The following PTPRD variants were observed in gnomAD, a reference collection of about 807,000 sequenced individuals.
PTPRD encodes protein tyrosine phosphatase receptor type D, also known as receptor-type tyrosine-protein phosphatase delta.
Under a neutral mutation model 214.5 loss-of-function variants are expected in PTPRD, and 34 were observed. The ratio of observed to expected loss-of-function variants is 0.16; its 90% CI spans 0.12 to 0.21. The LOEUF (loss-of-function observed/expected upper bound fraction) is 0.21, where lower values mean the gene tolerates loss of function less well. Ranked by LOEUF, PTPRD falls within the 10% of genes least tolerant of loss-of-function variation. PTPRD has a pLI of 1.00. For synonymous variants in PTPRD, 1,128 were observed against 845.7 expected, an observed-to-expected ratio of 1.33 and a Z score of -5.79; for missense variants, 2,545 against 2,398.7, an observed-to-expected ratio of 1.06 and a Z score of -1.27.
At chr9:9,647,676 T>C (rs570337775) in intron 7 of PTPRD, among the ~76,000 whole-genome samples, 3 of 152,302 alleles carry the variant, frequency 2.0e-5, no homozygotes, top group South Asian at 2.1e-4. Flanking sequence ...ATGCAAGACA[T>C]TGCAAACTCT....
intron 39 of PTPRD, 93 bp downstream of exon 39, chr9:8,375,843 A>AG (rs1306907986): frequency 1.3e-5 from 18 of 1,400,022 alleles, no homozygotes; most frequent in Non-Finnish European, 1.7e-5. Flanking sequence ...GAAGACATTT[A>AG]CTATTCCAGA....
chr9:8,636,834 C>A lies in PTPRD; in HGVS notation c.75G>T (p.Arg25Ser), dbSNP rs1199542975. 1 of 1,612,622 alleles carries A rather than the reference C, an allele frequency of 6.2e-7. No homozygotes were observed. The highest frequency in any genetic ancestry group is 1.7e-5 in the Admixed American group (1 of 59,920). Residue 25 changes from arginine (R) to serine (S), a missense_variant, in exon 13 of 46, where the codon AGG (arginine) becomes AGT (serine). Coordinates refer to ENST00000381196, the MANE Select transcript of PTPRD (RefSeq NM_002839.4). ...FLRTDAETPP[R>S]FTRTPVDQTG... The stretch of plus-strand genomic sequence containing the variant: ...TCTGATCAACGGGTGTTCGTGTAAA[C>A]CTTGGAGGTGCTGAAATAAAAAATA...
At chr9:9,086,308 G>C (rs533266830) in intron 10 of PTPRD, among the ~76,000 whole-genome samples, 4 of 152,120 alleles carry the variant, frequency 2.6e-5, no homozygotes, top group Non-Finnish European at 5.9e-5. Flanking sequence ...TTGATATGGA[G>C]ATGTTTGGTT....
chr9:10,243,464 G>A (rs1427633772), intron 3 of PTPRD, among the ~76,000 whole-genome samples: 1 of 151,844 alleles, frequency 6.6e-6, no homozygotes, highest in Non-Finnish European at 1.5e-5. Flanking sequence ...TAACACTACA[G>A]ATTTATATTT....
intron 11 of PTPRD, among the ~76,000 whole-genome samples, chr9:8,905,396 C>G (rs1357387972): frequency 1.3e-5 from 2 of 151,754 alleles, no homozygotes; most frequent in Non-Finnish European, 2.9e-5. Context: ...CACTGCACTT[C>G]CTTTGAATGT....
At chr9:9,354,727 T>C (rs1337499957) in intron 9 of PTPRD, among the ~76,000 whole-genome samples, 3 of 151,792 alleles carry the variant, frequency 2.0e-5, no homozygotes, top group African/African-American at 7.2e-5. Flanking sequence ...ATTTGAAGTA[T>C]CAGCAAGGGA....
intron 5 of PTPRD, among the ~76,000 whole-genome samples, chr9:9,906,244 G>T (rs1601670620): frequency 6.6e-6 from 1 of 151,816 alleles, no homozygotes; most frequent in East Asian, 1.9e-4. Flanking sequence ...AAATATTAAG[G>T]AAAGAAAAAA....
chr9:9,307,176 C>T (rs773710431), intron 9 of PTPRD, among the ~76,000 whole-genome samples: 30 of 152,130 alleles, frequency 2.0e-4, no homozygotes, highest in Non-Finnish European at 4.0e-4. Context: ...TGATTGCAAA[C>T]ACATGGCAGT....
At chr9:8,621,182 C>A (rs964394326) in intron 14 of PTPRD, among the ~76,000 whole-genome samples, 5 of 151,836 alleles carry the variant, frequency 3.3e-5, no homozygotes, top group Non-Finnish European at 4.4e-5. Flanking sequence ...AATTACTTCC[C>A]CTCCACCATT....
intron 2 of PTPRD, among the ~76,000 whole-genome samples, chr9:10,564,590 T>A (rs929066802): frequency 6.6e-6 from 1 of 152,082 alleles, no homozygotes; most frequent in African/African-American, 2.4e-5. Context: ...CTAGCCTCAA[T>A]GGAGGCAACA....
At chr9:8,858,842 GACAC>G (rs779235425) in intron 11 of PTPRD, among the ~76,000 whole-genome samples, 1 of 98,660 alleles carries the variant, frequency 1.0e-5, no homozygotes, top group Admixed American at 9.7e-5. Context: ...CACACACACA[GACAC>G]ACAGACACAC....
intron 12 of PTPRD, among the ~76,000 whole-genome samples, chr9:8,639,542 T>A (rs1372137205): frequency 6.6e-6 from 1 of 152,214 alleles, no homozygotes. Flanking sequence ...GGCTGTTGCA[T>A]AAAATGAGTG....
chr9:10,265,383 T>C (rs1203481363), intron 3 of PTPRD, among the ~76,000 whole-genome samples: 1 of 152,136 alleles, frequency 6.6e-6, no homozygotes, highest in Non-Finnish European at 1.5e-5. Context: ...ACAAACAAAC[T>C]TGGCCCACCC....
chr9:8,655,127 A>G (rs2096884745), intron 12 of PTPRD, among the ~76,000 whole-genome samples: 1 of 152,224 alleles, frequency 6.6e-6, no homozygotes, highest in Non-Finnish European at 1.5e-5. Context: ...ATGAGAGGAT[A>G]GTCTTCACAA....
At chr9:8,715,617 T>C (rs1191864027) in intron 12 of PTPRD, among the ~76,000 whole-genome samples, 5 of 152,168 alleles carry the variant, frequency 3.3e-5, no homozygotes, top group Non-Finnish European at 7.4e-5. Flanking sequence ...TAACTAAAGT[T>C]ATAAAACACA....
At chr9:9,557,546 C>T (rs1370365196) in intron 8 of PTPRD, among the ~76,000 whole-genome samples, 1 of 152,098 alleles carries the variant, frequency 6.6e-6, no homozygotes, top group Admixed American at 6.6e-5. Context: ...TTTCCTAATC[C>T]AACAGATATT....
At chr9:8,713,667 C>A (rs1330796071) in intron 12 of PTPRD, 6 of 1,512,574 alleles carry the variant, frequency 4.0e-6, no homozygotes, top group Non-Finnish European at 3.6e-6. Context: ...GGCACCGCGC[C>A]CGGGCCCACT....
chr9:10,024,827 G>C (rs1342870483), intron 4 of PTPRD, among the ~76,000 whole-genome samples: 1 of 128,230 alleles, frequency 7.8e-6, no homozygotes, highest in Admixed American at 1.0e-4. Flanking sequence ...TCCCCTTCCT[G>C]TGTCCATGTG....
At chr9:10,512,044 A>G (rs2048455397) in intron 2 of PTPRD, among the ~76,000 whole-genome samples, 1 of 138,712 alleles carries the variant, frequency 7.2e-6, no homozygotes, top group Non-Finnish European at 1.6e-5. Flanking sequence ...ATATATATAT[A>G]CACACACGTA....
Sources: allele counts gnomAD v4.1 joint callset (sites outside exome capture counted in the v4.1 genomes callset), GRCh38; gene constraint gnomAD v4.1.1; transcripts MANE v1.5; gene names NCBI Gene and HGNC (gene_info 2026-07-23, HGNC 2026-07-21).